SLCO4C1: variants seen among roughly 807,000 people sequenced by gnomAD.
SLCO4C1 encodes solute carrier organic anion transporter family member 4C1.
Under a neutral mutation model 72.1 loss-of-function variants are expected in SLCO4C1, and 58 were observed. The observed-to-expected ratio is 0.80, with a 90% CI of 0.65 to 1.00. SLCO4C1 has a LOEUF of 1.00. Ranked by LOEUF, SLCO4C1 falls within the 50% of genes least tolerant of loss-of-function variation. SLCO4C1 has a pLI of 0.00. For synonymous variants in SLCO4C1, 297 were observed against 312.5 expected (o/e 0.95, Z 0.52); for missense variants, 898 against 857.9 (o/e 1.05, Z -0.58).
chr5:102,285,639 T>TA (rs1349793758), intron 2 of SLCO4C1, among the ~76,000 whole-genome samples: 1 of 152,164 alleles, frequency 6.6e-6, no homozygotes, highest in African/African-American at 2.4e-5. Flanking sequence ...GCCTCTGATA[T>TA]AAAAAATTGT....
At chr5:102,238,962 C>T (rs1311995256) in intron 12 of SLCO4C1, among the ~76,000 whole-genome samples, 1 of 151,904 alleles carries the variant, frequency 6.6e-6, no homozygotes, top group Non-Finnish European at 1.5e-5. Context: ...GTATACTTTC[C>T]AAAAATGTTT....
intron 10 of SLCO4C1, among the ~76,000 whole-genome samples, chr5:102,242,775 C>T (rs1355864085): frequency 1.3e-5 from 2 of 152,110 alleles, no homozygotes; most frequent in African/African-American, 4.8e-5. Context: ...CAGCACATTA[C>T]CAGCTTGGTG....
At chr5:102,283,860 A>G (rs1272319036) in intron 2 of SLCO4C1, among the ~76,000 whole-genome samples, 2 of 152,094 alleles carry the variant, frequency 1.3e-5, no homozygotes, top group Non-Finnish European at 2.9e-5. Flanking sequence ...CTTGGGCTAA[A>G]AAAATGGAAC....
intron 10 of SLCO4C1, among the ~76,000 whole-genome samples, chr5:102,246,105 T>C (rs950204483): frequency 6.6e-6 from 1 of 151,736 alleles, no homozygotes; most frequent in Non-Finnish European, 1.5e-5. Flanking sequence ...AATAATCTAA[T>C]GATACATCTT....
In SLCO4C1 at chr5:102,258,090, A is replaced by C. The variant is rs190473418; in HGVS notation, c.1129-3T>G. 6.5e-7 allele frequency: 1 copy of C among 1,539,412 alleles called. No homozygotes were observed. The highest frequency in any genetic ancestry group is 8.7e-7 in the Non-Finnish European group (1 of 1,150,036). Reference sequence around the variant, plus strand: ...AAGACAGCATTCTTCATCAAATTCTAAAGAAAAAAATACAGTTCCTCAAAT... The same window carrying C: ...AAGACAGCATTCTTCATCAAATTCTCAAGAAAAAAATACAGTTCCTCAAAT... On this transcript the variant is annotated splice_region_variant and splice_polypyrimidine_tract_variant and intron_variant, in intron 6 of 12. Transcript: ENST00000310954.
At chr5:102,239,184 A>G (rs1748491186) in intron 12 of SLCO4C1, 67 bp downstream of exon 12, 4 of 1,408,906 alleles carry the variant, frequency 2.8e-6, no homozygotes, top group Non-Finnish European at 2.8e-6. Flanking sequence ...CTAAGTAACC[A>G]ACAATGAGAT....
At chr5:102,244,574 G>A (rs188319283) in intron 10 of SLCO4C1, among the ~76,000 whole-genome samples, 1 of 152,070 alleles carries the variant, frequency 6.6e-6, no homozygotes, top group Non-Finnish European at 1.5e-5. Context: ...ACCCAAAGAA[G>A]ACTACCTCAA....
chr5:102,245,715 T>C (rs1372730735), intron 10 of SLCO4C1, among the ~76,000 whole-genome samples: 1 of 152,130 alleles, frequency 6.6e-6, no homozygotes, highest in Non-Finnish European at 1.5e-5. Flanking sequence ...TTACAGAACA[T>C]TGCATCCAAT....
At chr5:102,285,212 T>TACACAC (rs3070619) in intron 2 of SLCO4C1, among the ~76,000 whole-genome samples, 38,903 of 147,752 alleles carry the variant, frequency 0.26, 5,484 homozygotes, top group Non-Finnish European at 0.31. Context: ...TATATATACA[T>TACACAC]ACACACACAC....
chr5:102,283,858 A>T (rs564536655), intron 2 of SLCO4C1, among the ~76,000 whole-genome samples: 36 of 152,070 alleles, frequency 2.4e-4, no homozygotes, highest in African/African-American at 8.2e-4. Flanking sequence ...AACTTGGGCT[A>T]AAAAAATGGA....
intron 3 of SLCO4C1, among the ~76,000 whole-genome samples, chr5:102,269,926 G>A (rs1749118352): frequency 2.0e-5 from 3 of 151,870 alleles, no homozygotes; most frequent in South Asian, 2.1e-4. Context: ...CTGGGTGGGC[G>A]CAGCAGTGTA....
intron 2 of SLCO4C1, among the ~76,000 whole-genome samples, chr5:102,284,592 C>T (rs1321977178): frequency 1.3e-5 from 2 of 151,872 alleles, no homozygotes; most frequent in Non-Finnish European, 2.9e-5. Context: ...AATGCATTTG[C>T]TTTATAGTGC....
At chr5:102,261,562 CAG>C (rs1748944790) in intron 5 of SLCO4C1, among the ~76,000 whole-genome samples, 1 of 148,682 alleles carries the variant, frequency 6.7e-6, no homozygotes, top group Non-Finnish European at 1.5e-5. Context: ...TGATTTAAGA[CAG>C]ATTGAAATTA....
At chr5:102,275,213 C>T (rs1749226815) in intron 2 of SLCO4C1, among the ~76,000 whole-genome samples, 1 of 151,834 alleles carries the variant, frequency 6.6e-6, no homozygotes, top group Admixed American at 6.6e-5. Context: ...ACTAAAACCC[C>T]ATAGAAAAGA....
chr5:102,237,477 A>T (rs534831666), intron 12 of SLCO4C1, among the ~76,000 whole-genome samples: 1 of 151,706 alleles, frequency 6.6e-6, no homozygotes, highest in Non-Finnish European at 1.5e-5. Context: ...GGTATGATGG[A>T]TGGTACAGCC....
At chr5:102,267,867 C>A (rs2112371349) in intron 3 of SLCO4C1, among the ~76,000 whole-genome samples, 1 of 152,158 alleles carries the variant, frequency 6.6e-6, no homozygotes, top group Non-Finnish European at 1.5e-5. Flanking sequence ...TGCTCAGCAG[C>A]ATGATGATTA....
chr5:102,247,155 C>T (rs1463382970), intron 10 of SLCO4C1, 97 bp downstream of exon 10: 1 of 919,286 alleles, frequency 1.1e-6, no homozygotes, highest in Non-Finnish European at 1.6e-6. Flanking sequence ...TGGTATTGAA[C>T]CAATGGTCAA....
At chr5:102,263,576 A>C in intron 4 of SLCO4C1, 108 bp downstream of exon 4, 5 of 796,654 alleles carry the variant, frequency 6.3e-6, no homozygotes, top group Non-Finnish European at 9.8e-6. Context: ...TTCCTGAATA[A>C]TTCCTCATGC....
intron 10 of SLCO4C1, among the ~76,000 whole-genome samples, chr5:102,246,103 A>G (rs1227481708): frequency 1.3e-5 from 2 of 151,970 alleles, no homozygotes; most frequent in East Asian, 3.8e-4. Context: ...TAAATAATCT[A>G]ATGATACATC....
Sources: allele counts gnomAD v4.1 joint callset (sites outside exome capture counted in the v4.1 genomes callset), GRCh38; gene constraint gnomAD v4.1.1; transcripts MANE v1.5; gene names NCBI Gene and HGNC (gene_info 2026-07-23, HGNC 2026-07-21).